Variants in LMX1B observed in about 807,000 individuals in gnomAD.
LMX1B encodes the protein LIM homeobox transcription factor 1-beta.
LMX1B carries 12 observed loss-of-function variants against 51.4 expected under a neutral mutation model. The ratio of observed to expected loss-of-function variants is 0.23; its 90% CI spans 0.15 to 0.38. The LOEUF is 0.38. Ranked by LOEUF, LMX1B falls within the 10% of genes least tolerant of loss-of-function variation. The probability of loss-of-function intolerance (pLI) is 1.00; values close to 1 mark genes in which losing one functional copy is unlikely to be tolerated. For synonymous variants in LMX1B, 237 were observed against 235.4 expected, an observed-to-expected ratio of 1.01 and a Z score of -0.06; for missense variants, 445 against 571.1, an observed-to-expected ratio of 0.78 and a Z score of 2.25.
At chr9:126,682,687 G>A (rs1836697551) in intron 2 of LMX1B, among the ~76,000 whole-genome samples, 2 of 152,108 alleles carry the variant, frequency 1.3e-5, no homozygotes, top group African/African-American at 4.8e-5. Context: ...ACGAGGTCAG[G>A]AGATCGAGAC....
chr9:126,674,552 G>A (rs1054906557), intron 2 of LMX1B, among the ~76,000 whole-genome samples: 1 of 152,214 alleles, frequency 6.6e-6, no homozygotes, highest in African/African-American at 2.4e-5. Flanking sequence ...AACGGATGCT[G>A]TGCTGGCAGT....
At chr9:126,675,716 T>C (rs1836541677) in intron 2 of LMX1B, among the ~76,000 whole-genome samples, 1 of 125,602 alleles carries the variant, frequency 8.0e-6, no homozygotes, top group East Asian at 2.4e-4. Context: ...AGAGCAAGAC[T>C]CCATCTCAAA....
chr9:126,629,470 C>CTT (rs1835596939), intron 2 of LMX1B, among the ~76,000 whole-genome samples: 2 of 152,230 alleles, frequency 1.3e-5, no homozygotes, highest in African/African-American at 4.8e-5. Context: ...AGTTAAGTAA[C>CTT]TTGCCCAAGG....
chr9:126,654,663 C>T (rs1039389684), intron 2 of LMX1B, among the ~76,000 whole-genome samples: 4 of 152,344 alleles, frequency 2.6e-5, no homozygotes, highest in African/African-American at 9.6e-5. Flanking sequence ...AGTGACTCCA[C>T]TGCCGAGGTC....
chr9:126,652,295 A>AAG (rs1554724842), intron 2 of LMX1B, among the ~76,000 whole-genome samples: 2 of 84,996 alleles, frequency 2.4e-5, no homozygotes, highest in Non-Finnish European at 4.5e-5. Flanking sequence ...TGAGGAGGAG[A>AAG]AGGGGGGGGG....
chr9:126,659,397 C>T (rs1220585260), intron 2 of LMX1B, among the ~76,000 whole-genome samples: 1 of 152,266 alleles, frequency 6.6e-6, no homozygotes, highest in Non-Finnish European at 1.5e-5. Context: ...AGGAGGCTGT[C>T]CTGTGCTCCA....
At chr9:126,664,648 G>A (rs892936878) in intron 2 of LMX1B, among the ~76,000 whole-genome samples, 38 of 152,194 alleles carry the variant, frequency 2.5e-4, no homozygotes, top group African/African-American at 9.2e-4. Context: ...GGCTGAGGTG[G>A]GCAGATCACC....
chr9:126,645,054 G>A (rs765096715), intron 2 of LMX1B, among the ~76,000 whole-genome samples: 8 of 152,160 alleles, frequency 5.3e-5, no homozygotes, highest in Non-Finnish European at 8.8e-5. Context: ...CGGCATAGGC[G>A]TCCTGCCACG....
At chr9:126,646,937 G>A (rs1456091316) in intron 2 of LMX1B, among the ~76,000 whole-genome samples, 3 of 152,216 alleles carry the variant, frequency 2.0e-5, no homozygotes, top group Non-Finnish European at 4.4e-5. Context: ...CTAGCATTAA[G>A]GTTCAAGGGG....
chr9:126,614,381 G>T lies in LMX1B; in HGVS notation c.-69G>T. The T allele has an allele frequency of 1.7e-6, 2 of 1,203,464 alleles. No individual in the cohort carries two copies. Among genetic ancestry groups the T allele is most frequent in the Non-Finnish European group, 1.0e-6 (1 of 961,382 alleles). 74.5% of individuals were successfully genotyped at this position (1,203,464 alleles called of 1,614,324 possible). On this transcript the variant is annotated 5_prime_UTR_variant, in exon 1 of 8. Coordinates refer to ENST00000373474, the MANE Select transcript of LMX1B (RefSeq NM_001174147.2). ...TCCCCGGTTCCAGGGCCGCGGCGGC[G>T]GAGAGCGGGTGGACGGGCCGGCGGG... is the stretch of plus-strand genomic sequence containing the variant.
rs2030417573 is a variant in LMX1B at position 126,698,265 on chromosome 9, C to G, written c.*1814C>G. On this transcript the variant is annotated 3_prime_UTR_variant, in exon 8 of 8. Transcript: ENST00000373474. ...ATTCATTCCAGCCTGTGGAATTTCTCTGCACCCTGATTCAGTGACCACTGC... is the reference window on the plus strand; with the variant it reads ...ATTCATTCCAGCCTGTGGAATTTCTGTGCACCCTGATTCAGTGACCACTGC... The G allele has an allele frequency of 6.6e-6, 1 of 152,552 alleles. No homozygotes were observed. The highest frequency in any genetic ancestry group is 1.5e-5 in the Non-Finnish European group (1 of 68,270). The allele number at this position is 152,552 out of a possible 1,614,324, so 9.4% of individuals were successfully genotyped here.
In LMX1B at chr9:126,677,146, G is replaced by A. The variant is rs1460186167; in HGVS notation, c.327-13690G>A. 5.3e-5 allele frequency among the ~76,000 whole-genome samples: 8 copies of A among 152,260 alleles called. No individual in the cohort carries two copies. Among genetic ancestry groups the A allele is most frequent in the Non-Finnish European group, 7.4e-5 (5 of 68,010 alleles). ...GACCTGCCTCGCCTGCCCTTTGCCC[G>A]TCCCCAGCCAGAGCGCAGGAGACCC... On this transcript the variant is annotated intron_variant, in intron 2 of 7. Coordinates refer to ENST00000373474, the MANE Select transcript of LMX1B (RefSeq NM_001174147.2). The surrounding 1 kb of genome is among the most constrained non-coding windows in gnomAD (Gnocchi z 5.0).
At chr9:126,682,067 A>T (rs1836685433) in intron 2 of LMX1B, among the ~76,000 whole-genome samples, 1 of 112,472 alleles carries the variant, frequency 8.9e-6, no homozygotes, top group African/African-American at 3.5e-5. Flanking sequence ...ACTTGCAGAT[A>T]CTTGGTCCCC....
rs922087155 is a variant in LMX1B, at chr9:126,618,134, G to A, written c.326+2565G>A. 6.6e-6 allele frequency among the ~76,000 whole-genome samples: 1 copy of A among 152,200 alleles called. No individual in the cohort carries two copies. The highest frequency in any genetic ancestry group is 1.5e-5 in the Non-Finnish European group (1 of 68,040). On this transcript the variant is annotated intron_variant, in intron 2 of 7. Coordinates refer to ENST00000373474, the MANE Select transcript of LMX1B (RefSeq NM_001174147.2). The surrounding 1 kb of genome is among the most constrained non-coding windows in gnomAD (Gnocchi z 4.5). ...TTTCAGACAGGAATCCAAGCAAGCG[G>A]GCGCAGAAACGTGCCTTCTTGATAT...
intron 2 of LMX1B, among the ~76,000 whole-genome samples, chr9:126,657,932 G>A (rs185455957): frequency 6.6e-6 from 1 of 152,308 alleles, no homozygotes; most frequent in Admixed American, 6.5e-5. Context: ...CCAGAAGAAG[G>A]GGTGCCTGCC....
At position 126,614,031 on chromosome 9, in the gene LMX1B, C is replaced by G. The variant is rs1423810336; in HGVS notation, c.-419C>G. Among the ~76,000 whole-genome samples, 2 of 135,312 alleles carry G rather than the reference C, an allele frequency of 1.5e-5. No individual in the cohort carries two copies. The highest frequency in any genetic ancestry group is 4.0e-3 in the Middle Eastern group (1 of 248). The allele number at this position is 135,312 out of a possible 152,430, so 88.8% of individuals were successfully genotyped here. ...CGGCCCGCTGCGCCCCGCCCGGGAC[C>G]CCGCTGCGCCGCGCGCCCCCCCCGC... On this transcript the variant is annotated 5_prime_UTR_variant, in exon 1 of 8. Coordinates refer to ENST00000373474, the MANE Select transcript of LMX1B (RefSeq NM_001174147.2).
intron 1 of LMX1B, 140 bp downstream of exon 1, chr9:126,614,728 G>A (rs949707721): frequency 2.1e-6 from 2 of 972,786 alleles, no homozygotes; most frequent in African/African-American, 1.7e-5. Context: ...AGGACTCCTG[G>A]AGTGATCGCC....
chr9:126,664,319 T>C (rs944941885), intron 2 of LMX1B, among the ~76,000 whole-genome samples: 9 of 152,136 alleles, frequency 5.9e-5, no homozygotes, highest in Admixed American at 5.2e-4. Context: ...CTGCATAACT[T>C]GGAGACCAAG....
At chr9:126,660,742 T>C (rs941963161) in intron 2 of LMX1B, among the ~76,000 whole-genome samples, 2 of 152,194 alleles carry the variant, frequency 1.3e-5, no homozygotes, top group Non-Finnish European at 1.5e-5. Context: ...AACTCTACTA[T>C]TTATCTGCCC....
Sources: allele counts gnomAD v4.1 joint callset (sites outside exome capture counted in the v4.1 genomes callset), GRCh38; gene constraint gnomAD v4.1.1; non-coding constraint Gnocchi (gnomAD v3.1); transcripts MANE v1.5; gene names NCBI Gene and HGNC (gene_info 2026-07-23, HGNC 2026-07-21).